Variants in PHACTR2 observed in about 807,000 individuals in gnomAD.
PHACTR2 encodes the protein chromosome 6 open reading frame 56.
In PHACTR2, 30 loss-of-function variants were observed where a neutral mutation model predicts 76.0. The ratio of observed to expected loss-of-function variants is 0.39; its 90% CI spans 0.30 to 0.54. PHACTR2 has a LOEUF of 0.54. PHACTR2 is among the 20% of genes least tolerant of loss of function. The pLI is 0.61. For missense variants in PHACTR2, 696 were observed against 781.1 expected, an observed-to-expected ratio of 0.89 and a Z score of 1.30; for synonymous variants, 292 against 292.5, an observed-to-expected ratio of 1.00 and a Z score of 0.02.
In PHACTR2 at chr6:143,664,839, C is replaced by T. The variant is rs1004248359; in HGVS notation, c.14-47177C>T. On this transcript the variant is annotated intron_variant, in intron 1 of 11. Transcript: ENST00000305766. This position sits in a 1 kb window ranked among gnomAD's most constrained non-coding sequence, Gnocchi z 5.1. The stretch of plus-strand genomic sequence containing the variant: ...TTTGAGACACTGTCTTGCTCTGTCA[C>T]CCAGGCTGGAGTGCAGTGGTGCAAT... 6.6e-6 allele frequency among the ~76,000 whole-genome samples: 1 copy of T among 152,014 alleles called. No individual in the cohort carries two copies. Among genetic ancestry groups the T allele is most frequent in the African/African-American group, 2.4e-5 (1 of 41,384 alleles).
intron 4 of PHACTR2, among the ~76,000 whole-genome samples, chr6:143,758,049 C>T (rs1161217522): frequency 6.6e-6 from 1 of 152,034 alleles, no homozygotes; most frequent in Non-Finnish European, 1.5e-5. Flanking sequence ...TTCGAAGAGT[C>T]AAGAGGAGCG....
intron 12 of PHACTR2, among the ~76,000 whole-genome samples, chr6:143,815,472 CAATG>C (rs567975725): frequency 9.1e-4 from 138 of 151,988 alleles, no homozygotes; most frequent in Middle Eastern, 3.4e-3. Context: ...GGTGGCGTGA[CAATG>C]AAACTCTTTT....
At position 143,787,826 on chromosome 6, in the gene PHACTR2, G is replaced by A. The variant is rs1562307725; in HGVS notation, c.1708-947G>A. On this transcript the variant is annotated intron_variant, in intron 10 of 12. Coordinates refer to ENST00000440869, the MANE Select transcript of PHACTR2 (RefSeq NM_001100164.2). The surrounding 1 kb of genome is among the most constrained non-coding windows in gnomAD (Gnocchi z 4.6). ...ATGATGGGTAGTCTGGCTGTATACA[G>A]AGTATATATAAGAGAGGAAATATAT... is the stretch of plus-strand genomic sequence containing the variant. Among the ~76,000 whole-genome samples the A allele has an allele frequency of 6.6e-6, 1 of 152,122 alleles. No homozygotes were observed. Among genetic ancestry groups the A allele is most frequent in the African/African-American group, 2.4e-5 (1 of 41,418 alleles).
At chr6:143,540,803 AAGTAAC>A (rs1472747752) in intron 1 of PHACTR2, among the ~76,000 whole-genome samples, 2 of 152,258 alleles carry the variant, frequency 1.3e-5, no homozygotes, top group African/African-American at 4.8e-5. Flanking sequence ...GATAGAATTG[AAGTAAC>A]AGTGGAATTT....
Position 143,743,245 on chromosome 6 carries a change from G to A in PHACTR2, c.215-5740G>A, listed in dbSNP as rs903107702. Among the ~76,000 whole-genome samples, 4 of 152,208 alleles carry A rather than the reference G, an allele frequency of 2.6e-5. No homozygotes were observed. The highest frequency in any genetic ancestry group is 5.9e-5 in the Non-Finnish European group (4 of 68,030). ...CATGAAGGAATGGAGCTGAAGAACCGCAGATGTTTAGGAAATGGCAAGAAG... is the reference window on the plus strand; with the variant it reads ...CATGAAGGAATGGAGCTGAAGAACCACAGATGTTTAGGAAATGGCAAGAAG... On this transcript the variant is annotated intron_variant, in intron 2 of 12. Coordinates refer to ENST00000440869, the MANE Select transcript of PHACTR2 (RefSeq NM_001100164.2). The surrounding 1 kb of genome is among the most constrained non-coding windows in gnomAD (Gnocchi z 5.0).
chr6:143,598,263 A>C lies in PHACTR2; in HGVS notation c.217+61056A>C, dbSNP rs185988836. 6.6e-6 allele frequency among the ~76,000 whole-genome samples: 1 copy of C among 152,162 alleles called. No individual in the cohort carries two copies. Among genetic ancestry groups the C allele is most frequent in the South Asian group, 2.1e-4 (1 of 4,824 alleles). Reference sequence around the variant, plus strand: ...CAGTGTAATCACAGGATTCCTTATAAGAGGGACAAGAAGGTTAAAAGAGGA... The same window carrying C: ...CAGTGTAATCACAGGATTCCTTATACGAGGGACAAGAAGGTTAAAAGAGGA... On this transcript the variant is annotated intron_variant, in intron 1 of 11. Coordinates refer to the PHACTR2 transcript ENST00000367584. The surrounding 1 kb of genome is among the most constrained non-coding windows in gnomAD (Gnocchi z 4.1).
intron 1 of PHACTR2, among the ~76,000 whole-genome samples, chr6:143,649,516 C>A (rs1310306916): frequency 6.6e-6 from 1 of 152,160 alleles, no homozygotes; most frequent in Non-Finnish European, 1.5e-5. Context: ...GCTTCATCCT[C>A]AGGATGCAAG....
chr6:143,794,173 A>G lies in PHACTR2; in HGVS notation c.1845+5263A>G, dbSNP rs1775777758. Among the ~76,000 whole-genome samples the G allele has an allele frequency of 6.6e-6, 1 of 151,866 alleles. No homozygotes were observed. The highest frequency in any genetic ancestry group is 6.6e-5 in the Admixed American group (1 of 15,256). On this transcript the variant is annotated intron_variant, in intron 11 of 12. Coordinates refer to ENST00000440869, the MANE Select transcript of PHACTR2 (RefSeq NM_001100164.2). This position sits in a 1 kb window ranked among gnomAD's most constrained non-coding sequence, Gnocchi z 4.1. ...CTCTAGTTGTTAAAAGATAAGTGTG[A>G]TGAAATAGTACAATATTATTGCCCA... is the stretch of plus-strand genomic sequence containing the variant.
At position 143,558,847 on chromosome 6, in the gene PHACTR2, A is replaced by G. The variant is rs1775220124; in HGVS notation, c.217+21640A>G. On this transcript the variant is annotated intron_variant, in intron 1 of 11. Transcript: ENST00000367584. The surrounding 1 kb of genome is among the most constrained non-coding windows in gnomAD (Gnocchi z 4.7). ...TGCAAACAGTGGACCAGTAATGGTGATTAGGTAGCTCGAGGGCCCCTAAAC... is the reference window on the plus strand; with the variant it reads ...TGCAAACAGTGGACCAGTAATGGTGGTTAGGTAGCTCGAGGGCCCCTAAAC... 6.6e-6 allele frequency among the ~76,000 whole-genome samples: 1 copy of G among 152,176 alleles called. No individual in the cohort carries two copies. The highest frequency in any genetic ancestry group is 1.5e-5 in the Non-Finnish European group (1 of 68,038).
At chr6:143,569,200 G>A (rs539054051) in intron 1 of PHACTR2, among the ~76,000 whole-genome samples, 2 of 152,278 alleles carry the variant, frequency 1.3e-5, no homozygotes, top group East Asian at 3.9e-4. Flanking sequence ...AGGGAAAGAG[G>A]TGTGTTACTT....
At chr6:143,563,390 G>A (rs915802918) in intron 1 of PHACTR2, among the ~76,000 whole-genome samples, 5 of 80,592 alleles carry the variant, frequency 6.2e-5, no homozygotes, top group African/African-American at 1.2e-4. Context: ...TGGTGAAACC[G>A]CATCTCTACG....
chr6:143,595,807 C>A lies in PHACTR2; in HGVS notation c.217+58600C>A, dbSNP rs75711264. ...AGAATGTTCTACTTAATTTAGCTTT[C>A]CAAAGATAAACACACTGGTGAATCA... On this transcript the variant is annotated intron_variant, in intron 1 of 11. Coordinates refer to the PHACTR2 transcript ENST00000367584. The surrounding 1 kb of genome is among the most constrained non-coding windows in gnomAD (Gnocchi z 4.2). Among the ~76,000 whole-genome samples the A allele has an allele frequency of 6.2e-3, 938 of 152,266 alleles. 22 individuals carry two copies. The East Asian group carries it at 0.09, about 15-fold the overall frequency.
intron 1 of PHACTR2, among the ~76,000 whole-genome samples, chr6:143,661,029 C>T (rs1465673179): frequency 6.6e-6 from 1 of 152,158 alleles, no homozygotes; most frequent in Non-Finnish European, 1.5e-5. Flanking sequence ...TCTCACTCTT[C>T]AAATGGCAAT....
intron 1 of PHACTR2, among the ~76,000 whole-genome samples, chr6:143,566,102 CCTT>C (rs1046561622): frequency 4.0e-4 from 61 of 150,742 alleles, no homozygotes; most frequent in African/African-American, 1.3e-3. Flanking sequence ...AGTAGCTAGG[CCTT>C]CTGGTGCACA....
chr6:143,543,201 TTTAC>T lies in PHACTR2; in HGVS notation c.217+5998_217+6001del, dbSNP rs1781187738. Among the ~76,000 whole-genome samples the T allele has an allele frequency of 6.6e-6, 1 of 152,230 alleles. No individual in the cohort carries two copies. The highest frequency in any genetic ancestry group is 2.4e-5 in the African/African-American group (1 of 41,460). ...TTTCAGAGGATGCATGAAGAGCTAA[TTTAC>T]TTAAACTAGTTAAGCTCTAGTTTGT... On this transcript the variant is annotated intron_variant, in intron 1 of 11. Transcript: ENST00000367584. This position sits in a 1 kb window ranked among gnomAD's most constrained non-coding sequence, Gnocchi z 4.7.
Position 143,757,894 on chromosome 6 carries a change from AT to A in PHACTR2, c.455-2505del, listed in dbSNP as rs1351520794. ...AAATTTCAGACAAAAGGAGTTTATA[AT>A]TCAGTCAAAAAATTATACTATTTGC... On this transcript the variant is annotated intron_variant, in intron 4 of 12. Coordinates refer to ENST00000440869, the MANE Select transcript of PHACTR2 (RefSeq NM_001100164.2). The surrounding 1 kb of genome is among the most constrained non-coding windows in gnomAD (Gnocchi z 4.2). Among the ~76,000 whole-genome samples the A allele has an allele frequency of 1.3e-5, 2 of 152,126 alleles. No individual in the cohort carries two copies. The highest frequency in any genetic ancestry group is 2.9e-5 in the Non-Finnish European group (2 of 68,024).
intron 1 of PHACTR2, among the ~76,000 whole-genome samples, chr6:143,660,670 G>A (rs568580181): frequency 3.8e-4 from 58 of 152,258 alleles, no homozygotes; most frequent in African/African-American, 1.3e-3. Flanking sequence ...ATGAAACATG[G>A]CCTCCAAATA....
Position 143,696,857 on chromosome 6 carries a change from G to T in PHACTR2, c.47-15159G>T, listed in dbSNP as rs1288486248. Among the ~76,000 whole-genome samples the T allele has an allele frequency of 6.6e-6, 1 of 152,196 alleles. No individual in the cohort carries two copies. Among genetic ancestry groups the T allele is most frequent in the East Asian group, 1.9e-4 (1 of 5,192 alleles). ...CTCCCCTTAGGGTACTGTTCTAACA[G>T]GAGATATTTGCTTCACAGTGGAAAG... On this transcript the variant is annotated intron_variant, in intron 1 of 12. Transcript: ENST00000440869. The surrounding 1 kb of genome is among the most constrained non-coding windows in gnomAD (Gnocchi z 4.1).
Position 143,730,267 on chromosome 6 carries a change from G to C in PHACTR2, c.214+18084G>C, listed in dbSNP as rs1778671090. On this transcript the variant is annotated intron_variant, in intron 2 of 12. Coordinates refer to ENST00000440869, the MANE Select transcript of PHACTR2 (RefSeq NM_001100164.2). This position sits in a 1 kb window ranked among gnomAD's most constrained non-coding sequence, Gnocchi z 4.8. Reference sequence around the variant, plus strand: ...TGCATTAAATCTATGCTGCAGTTTGGGTAGAACTGATACCTATACCATATT... The same window carrying C: ...TGCATTAAATCTATGCTGCAGTTTGCGTAGAACTGATACCTATACCATATT... Among the ~76,000 whole-genome samples the C allele has an allele frequency of 6.6e-6, 1 of 152,068 alleles. No individual in the cohort carries two copies. Among genetic ancestry groups the C allele is most frequent in the Middle Eastern group, 3.4e-3 (1 of 294 alleles).
Sources: gnomAD v4.1 joint callset for allele counts (sites outside exome capture counted in the v4.1 genomes callset) on GRCh38, gnomAD v4.1.1 for gene constraint, Gnocchi (gnomAD v3.1) non-coding constraint, MANE v1.5 for transcripts, NCBI Gene and HGNC (gene_info 2026-07-23, HGNC 2026-07-21) for gene names.